XKR6: variants seen among roughly 807,000 people sequenced by gnomAD.
XKR6 encodes the protein XK related 6.
A neutral mutation model predicts 56.7 loss-of-function variants in XKR6; 22 were observed. The observed-to-expected ratio is 0.39, with a 90% CI of 0.28 to 0.55. The LOEUF (loss-of-function observed/expected upper bound fraction) is 0.55, where lower values mean the gene tolerates loss of function less well. Ranked by LOEUF, XKR6 falls within the 20% of genes least tolerant of loss-of-function variation. The probability of loss-of-function intolerance (pLI) is 0.66; values close to 1 mark genes in which losing one functional copy is unlikely to be tolerated. For missense variants in XKR6, 852 were observed against 889.0 expected (o/e 0.96, Z 0.53); for synonymous variants, 524 against 387.8 (o/e 1.35, Z -4.13).
At chr8:11,195,198 G>T in intron 1 of XKR6, 1 of 703,128 alleles carries the variant, frequency 1.4e-6, no homozygotes, top group Middle Eastern at 2.3e-4. Context: ...TCTTTTCCTT[G>T]ATGGTACCAA....
At position 10,914,327 on chromosome 8, in the gene XKR6, C is replaced by T. The variant is rs73533592; in HGVS notation, c.961+10307G>A. On this transcript the variant is annotated intron_variant, in intron 2 of 2. Coordinates refer to ENST00000416569, the MANE Select transcript of XKR6 (RefSeq NM_173683.4). ...CAGTATATACTGGGGATGAGTAGTG[C>T]ATCCCCAGTAGTGAGAGGGACATAA... Among the ~76,000 whole-genome samples, 1,284 of 152,250 alleles carry T rather than the reference C, an allele frequency of 8.4e-3. 18 individuals are homozygous for T. The highest frequency in any genetic ancestry group is 0.03 in the African/African-American group (1,232 of 41,548).
rs74642251 is a variant in XKR6, at chr8:11,136,252, C to A, written c.764+64324G>T. The stretch of plus-strand genomic sequence containing the variant: ...ATTCCTGGCCTGGCGCGGCGGCTCA[C>A]GCCTGTAATCCCAGCACTCTGGGAG... On this transcript the variant is annotated intron_variant, in intron 1 of 2. Coordinates refer to ENST00000416569, the MANE Select transcript of XKR6 (RefSeq NM_173683.4). 1.5e-3 allele frequency among the ~76,000 whole-genome samples: 222 copies of A among 152,330 alleles called. 4 individuals carry two copies. In the South Asian group the frequency reaches 0.019, roughly 13 times the overall value.
rs529909529 is a variant in XKR6, at chr8:11,191,510, T to A, written c.764+9066A>T. On this transcript the variant is annotated intron_variant, in intron 1 of 2. Transcript: ENST00000416569. ...AACACGTATGGGGCGCCTACTGATA[T>A]GATGCCAACATGAAGAAAGCAGTAC... 2.6e-5 allele frequency among the ~76,000 whole-genome samples: 4 copies of A among 152,290 alleles called. No homozygotes were observed. The South Asian group carries it at 8.3e-4, about 32-fold the overall frequency.
At chr8:11,086,339 G>A (rs548084228) in intron 1 of XKR6, among the ~76,000 whole-genome samples, 1 of 152,052 alleles carries the variant, frequency 6.6e-6, no homozygotes, top group African/African-American at 2.4e-5. Context: ...AAGGACTCAT[G>A]AGACCCAGCC....
intron 1 of XKR6, among the ~76,000 whole-genome samples, chr8:11,048,792 G>C (rs901837238): frequency 1.3e-5 from 2 of 152,142 alleles, no homozygotes; most frequent in Non-Finnish European, 2.9e-5. Context: ...GCTGCCCCTG[G>C]CTCTGCGTGG....
chr8:11,099,225 A>C (rs962185866), intron 1 of XKR6, among the ~76,000 whole-genome samples: 2 of 152,218 alleles, frequency 1.3e-5, no homozygotes, highest in Non-Finnish European at 2.9e-5. Context: ...CAATCGTCCA[A>C]CCAAAGTCAC....
At chr8:11,163,117 C>G (rs573884718) in intron 1 of XKR6, among the ~76,000 whole-genome samples, 4 of 152,018 alleles carry the variant, frequency 2.6e-5, no homozygotes, top group African/African-American at 9.7e-5. Flanking sequence ...AAATTATTTT[C>G]GAATAAAATC....
chr8:11,040,412 G>A (rs184292594), intron 1 of XKR6, among the ~76,000 whole-genome samples: 168 of 149,954 alleles, frequency 1.1e-3, no homozygotes, highest in African/African-American at 4.0e-3. Context: ...CCCACCTGTA[G>A]ACCCAGCTAC....
intron 1 of XKR6, among the ~76,000 whole-genome samples, chr8:10,973,193 C>T (rs1338229692): frequency 1.3e-5 from 2 of 152,226 alleles, no homozygotes; most frequent in African/African-American, 4.8e-5. Flanking sequence ...TGAGCTTGGC[C>T]CATGTTATGA....
At chr8:10,926,972 C>A (rs1014944286) in intron 1 of XKR6, among the ~76,000 whole-genome samples, 1 of 152,080 alleles carries the variant, frequency 6.6e-6, no homozygotes, top group African/African-American at 2.4e-5. Context: ...CAGACACACA[C>A]GGAGAGACAC....
chr8:11,161,249 C>G (rs1306527921), intron 1 of XKR6, among the ~76,000 whole-genome samples: 1 of 152,164 alleles, frequency 6.6e-6, no homozygotes, highest in African/African-American at 2.4e-5. Context: ...CTAAACTCCT[C>G]TGAATGGGGT....
chr8:10,954,234 C>T (rs777072952), intron 1 of XKR6, among the ~76,000 whole-genome samples: 1 of 152,196 alleles, frequency 6.6e-6, no homozygotes, highest in African/African-American at 2.4e-5. Flanking sequence ...TTTGGAGGAA[C>T]CAGCAAGTTG....
chr8:11,187,655 A>G (rs1262734139), intron 1 of XKR6, among the ~76,000 whole-genome samples: 1 of 152,188 alleles, frequency 6.6e-6, no homozygotes, highest in Non-Finnish European at 1.5e-5. Flanking sequence ...AAAATCAGTC[A>G]TATCAAAGCA....
chr8:11,200,562 CG>C lies in XKR6; in HGVS notation c.764+13del. On this transcript the variant is annotated intron_variant, in intron 1 of 2. Coordinates refer to ENST00000416569, the MANE Select transcript of XKR6 (RefSeq NM_173683.4). The surrounding 1 kb of genome is among the most constrained non-coding windows in gnomAD (Gnocchi z 6.4). ...CCTCAGGGCCGGCCCGCCCCCACCC[CG>C]CAGTGCTCTTACCTCCACACCTGCC... 6.9e-7 allele frequency: 1 copy of C among 1,455,292 alleles called. No individual in the cohort carries two copies. The allele number at this position is 1,455,292 out of a possible 1,614,324, so 90.1% of individuals were successfully genotyped here.
At chr8:11,041,872 T>C (rs1799295165) in intron 1 of XKR6, among the ~76,000 whole-genome samples, 1 of 152,188 alleles carries the variant, frequency 6.6e-6, no homozygotes, top group South Asian at 2.1e-4. Context: ...CACCAACACA[T>C]ATACACACAC....
intron 1 of XKR6, among the ~76,000 whole-genome samples, chr8:11,143,671 T>C (rs1800822050): frequency 6.6e-6 from 1 of 152,172 alleles, no homozygotes; most frequent in Non-Finnish European, 1.5e-5. Context: ...GAGTGGTTAC[T>C]TTGGAGGAAG....
intron 1 of XKR6, among the ~76,000 whole-genome samples, chr8:11,064,278 A>G (rs535401757): frequency 6.6e-6 from 1 of 152,304 alleles, no homozygotes; most frequent in East Asian, 1.9e-4. Context: ...AGAGAGGCTA[A>G]AGCTTTCCTT....
chr8:11,105,176 C>T lies in XKR6; in HGVS notation c.764+95400G>A, dbSNP rs1254983538. ...ACTGAATATGCTAATATTTATTGCA[C>T]GGTTCCAAGAAATAGCAGCTCTCAT... On this transcript the variant is annotated intron_variant, in intron 1 of 2. Transcript: ENST00000416569. 2.6e-5 allele frequency: 4 copies of T among 152,200 alleles called. No homozygotes were observed. The East Asian group carries it at 5.8e-4, about 22-fold the overall frequency. The allele number at this position is 152,200 out of a possible 1,614,324, so 9.4% of individuals were successfully genotyped here. A position where few individuals can be genotyped will look rare whatever the true frequency, so the allele number is the denominator to read the frequency against.
chr8:10,923,115 T>G (rs1421686329), intron 2 of XKR6, among the ~76,000 whole-genome samples: 1 of 152,254 alleles, frequency 6.6e-6, no homozygotes, highest in African/African-American at 2.4e-5. Flanking sequence ...CCCCTCCTGC[T>G]TCTGTGGGTG....
Sources: allele counts gnomAD v4.1 joint callset (sites outside exome capture counted in the v4.1 genomes callset), GRCh38; gene constraint gnomAD v4.1.1; non-coding constraint Gnocchi (gnomAD v3.1); transcripts MANE v1.5; gene names NCBI Gene and HGNC (gene_info 2026-07-23, HGNC 2026-07-21).